The following HELQ variants were observed in gnomAD, a reference collection of about 807,000 sequenced individuals.
HELQ encodes the protein helicase POLQ-like.
HELQ carries 77 observed loss-of-function variants against 111.6 expected under a neutral mutation model. That is an observed-to-expected ratio of 0.69 (90% confidence interval 0.57 to 0.83). HELQ has a LOEUF of 0.83. Among genes scored for constraint, HELQ ranks in the 40% least tolerant of loss-of-function variants. The pLI, the probability that HELQ is intolerant of heterozygous loss-of-function variation, is 0.00. For synonymous variants in HELQ, 438 were observed against 454.7 expected (o/e 0.96, Z 0.47); for missense variants, 1,200 against 1,288.5 (o/e 0.93, Z 1.05).
In HELQ at chr4:83,416,756, G is replaced by C; in HGVS notation, c.3173C>G (p.Ala1058Gly). The stretch of plus-strand genomic sequence containing the variant: ...CTTTGCTGATGAAACAATTTGCTTG[G>C]CTTGGCGTCTTGATAAATGATCAAT... ...RTIDHLSRRQ[A>G]KQIVSSAKML... The change falls in exon 17 of 18, where the codon GCC becomes GGC. Residue 1058 changes from alanine (A) to glycine (G), a missense_variant. This residue lies in a region of HELQ where 585 missense variants were observed against 665.3 expected (regional missense o/e 0.88). Coordinates refer to ENST00000295488, the MANE Select transcript of HELQ (RefSeq NM_133636.5). The C allele has an allele frequency of 6.2e-7, 1 of 1,612,856 alleles. No homozygotes were observed.
At chr4:83,421,503 T>G in intron 15 of HELQ, 60 bp downstream of exon 15, 1 of 1,295,438 alleles carries the variant, frequency 7.7e-7, no homozygotes, top group Non-Finnish European at 1.1e-6. Context: ...GCTTATTAGT[T>G]TAGTAACAGT....
chr4:83,453,205 T>G (rs1000569639), intron 2 of HELQ, 26 bp downstream of exon 2: 1 of 1,481,966 alleles, frequency 6.7e-7, no homozygotes, highest in Non-Finnish European at 9.2e-7. Context: ...GGAAAAAAAT[T>G]TTTTTATTCC....
intron 9 of HELQ, among the ~76,000 whole-genome samples, chr4:83,435,213 A>G (rs1720384708): frequency 6.6e-6 from 1 of 152,220 alleles, no homozygotes; most frequent in Non-Finnish European, 1.5e-5. Flanking sequence ...AGTTATTGTG[A>G]AGCTGTATCA....
intron 3 of HELQ, 29 bp from the exon 4 acceptor site, chr4:83,447,064 T>C (rs778348227): frequency 4.3e-5 from 59 of 1,384,000 alleles, no homozygotes; most frequent in Non-Finnish European, 4.8e-5. Context: ...TAAAGAAAAA[T>C]TGGCCAGGCA....
chr4:83,442,819 T>C (rs1720849542), intron 6 of HELQ, among the ~76,000 whole-genome samples: 1 of 152,170 alleles, frequency 6.6e-6, no homozygotes, highest in Non-Finnish European at 1.5e-5. Context: ...CTTAAAGTGT[T>C]GGCATTGCAG....
chr4:83,437,126 G>A (rs1281806087), intron 8 of HELQ, 29 bp from the exon 9 acceptor site: 4 of 1,597,596 alleles, frequency 2.5e-6, no homozygotes, highest in Non-Finnish European at 3.4e-6. Context: ...AGAAATATGA[G>A]CCCTTGATCT....
intron 17 of HELQ, among the ~76,000 whole-genome samples, chr4:83,408,300 G>A (rs1738897831): frequency 6.6e-6 from 1 of 152,042 alleles, no homozygotes; most frequent in Non-Finnish European, 1.5e-5. Context: ...TCGCCTGGCT[G>A]GAGCACGGTG....
In HELQ at chr4:83,455,462, C is replaced by A. The variant is rs1382587261; in HGVS notation, c.232G>T (p.Gly78Ter). The A allele has an allele frequency of 1.9e-6, 3 of 1,614,082 alleles. No individual in the cohort carries two copies. Among genetic ancestry groups the A allele is most frequent in the Non-Finnish European group, 2.5e-6 (3 of 1,180,048 alleles). Residue 78 changes from glycine (G) to a stop codon, truncating the protein, a stop_gained, in exon 1 of 18, where the codon GGA (glycine) becomes TGA (stop). Transcript: ENST00000295488. LOFTEE classifies it high-confidence loss of function. ...LSDSPECLVLGGGDTNPDLLR... is the reference protein window; with the variant it reads ...LSDSPECLVL ...AGGTCCGGGTTTGTATCACCACCTC[C>A]AAGGACGAGACATTCCGGGGAATCT...
Position 83,422,850 on chromosome 4 carries a change from A to T in HELQ, c.2776-1114T>A, listed in dbSNP as rs374452314. On this transcript the variant is annotated intron_variant, in intron 14 of 17. Coordinates refer to ENST00000295488, the MANE Select transcript of HELQ (RefSeq NM_133636.5). Reference sequence around the variant, plus strand: ...TGTGTACGTATGTGATTATTATTATAAATTAGACAAATGTACTTTAGATAA... The same window carrying T: ...TGTGTACGTATGTGATTATTATTATTAATTAGACAAATGTACTTTAGATAA... 5.3e-5 allele frequency among the ~76,000 whole-genome samples: 8 copies of T among 152,336 alleles called. No homozygotes were observed. The East Asian group carries it at 1.5e-3, about 29-fold the overall frequency.
intron 1 of HELQ, among the ~76,000 whole-genome samples, chr4:83,454,999 G>A (rs1368852952): frequency 1.3e-5 from 2 of 152,182 alleles, no homozygotes. Context: ...ATAGTAAAGT[G>A]ATTAAGACAA....
chr4:83,438,923 G>A (rs957713084), intron 8 of HELQ, among the ~76,000 whole-genome samples: 1 of 152,090 alleles, frequency 6.6e-6, no homozygotes, highest in Non-Finnish European at 1.5e-5. Context: ...GTCACTCCCA[G>A]AGATTCTGAT....
chr4:83,416,886 C>A, intron 16 of HELQ, 21 bp from the exon 17 acceptor site: 1 of 1,578,220 alleles, frequency 6.3e-7, no homozygotes, highest in Non-Finnish European at 8.6e-7. Flanking sequence ...TTACAAAAAT[C>A]AGTAGGATAA....
chr4:83,440,150 AGAT>A (rs1720689212), intron 7 of HELQ, 142 bp from the exon 8 acceptor site: 2 of 616,824 alleles, frequency 3.2e-6, no homozygotes, highest in Admixed American at 7.4e-5. Flanking sequence ...TTAAAAGAAA[AGAT>A]GAAATCTATA....
intron 17 of HELQ, among the ~76,000 whole-genome samples, chr4:83,408,052 A>G (rs1253428489): frequency 6.6e-6 from 1 of 152,212 alleles, no homozygotes; most frequent in African/African-American, 2.4e-5. Flanking sequence ...GAGCAAAAAA[A>G]GTATTTCCAA....
At position 83,441,459 on chromosome 4, in the gene HELQ, G is replaced by A. The variant is rs950835408; in HGVS notation, c.1564-56C>T. 4 of 810,468 alleles carry A rather than the reference G, an allele frequency of 4.9e-6. No homozygotes were observed. The East Asian group carries it at 1.1e-4, about 22-fold the overall frequency. The allele number at this position is 810,468 out of a possible 1,614,324, so 50.2% of individuals were successfully genotyped here. A position where few individuals can be genotyped will look rare whatever the true frequency, so the allele number is the denominator to read the frequency against. ...CGACATATAAATTCATCTTTCCAGTGTTTTAAATATTGTAAAATAGGTTAA... is the reference window on the plus strand; with the variant it reads ...CGACATATAAATTCATCTTTCCAGTATTTTAAATATTGTAAAATAGGTTAA... On this transcript the variant is annotated intron_variant, in intron 6 of 17. Coordinates refer to ENST00000295488, the MANE Select transcript of HELQ (RefSeq NM_133636.5).
intron 8 of HELQ, among the ~76,000 whole-genome samples, chr4:83,437,564 A>T (rs1720527177): frequency 6.7e-6 from 1 of 149,812 alleles, no homozygotes; most frequent in Admixed American, 6.7e-5. Flanking sequence ...GCAATGAGCT[A>T]TGAACCTACC....
Position 83,439,938 on chromosome 4 carries a change from T to A in HELQ, c.1733A>T (p.Tyr578Phe). 1 of 1,609,794 alleles carries A rather than the reference T, an allele frequency of 6.2e-7. No homozygotes were observed. Among genetic ancestry groups the A allele is most frequent in the African/African-American group, 1.3e-5 (1 of 74,850 alleles). ...ACTAGGACAAAAAACTAAGCAGGAATAATTGGGAATAACTTCTGTCACCAA... is the reference window on the plus strand; with the variant it reads ...ACTAGGACAAAAAACTAAGCAGGAAAAATTGGGAATAACTTCTGTCACCAA... ...VALVTEVIPN[Y>F]SCLVFCPSKK... Residue 578 changes from tyrosine to phenylalanine, a missense_variant, in exon 8 of 18, where the codon TAT becomes TTT. Physicochemically the swap from Tyr to Phe is conservative, Grantham distance 22 (BLOSUM62 3). This residue lies in a region of HELQ where 585 missense variants were observed against 665.3 expected (regional missense o/e 0.88). Transcript: ENST00000295488.
rs1382128963 is a variant in HELQ at position 83,455,707 on chromosome 4, G to A, written c.-14C>T. ...ACATTCATCCATGGCAAGGACCCAG[G>A]GCCCTATTCAGACGTCGTTCTCAGT... On this transcript the variant is annotated 5_prime_UTR_variant, in exon 1 of 18. Coordinates refer to ENST00000295488, the MANE Select transcript of HELQ (RefSeq NM_133636.5). 6.3e-7 allele frequency: 1 copy of A among 1,595,702 alleles called. No homozygotes were observed. The highest frequency in any genetic ancestry group is 2.2e-5 in the East Asian group (1 of 44,824).
At position 83,455,533 on chromosome 4, in the gene HELQ, T is replaced by C; in HGVS notation, c.161A>G (p.Lys54Arg). ...EEMVAENRRR[K>R]TAGVLPVEVQ... ...CTCAACCGGCAGTACGCCCGCGGTT[T>C]TCCGCCTCCTGTTCTCAGCCACCAT... Residue 54 changes from lysine to arginine, a missense_variant, in exon 1 of 18, where the codon AAA becomes AGA. By Grantham distance (26) the Lys-to-Arg change is conservative (BLOSUM62 2). Transcript: ENST00000295488. 6.2e-7 allele frequency: 1 copy of C among 1,613,704 alleles called. No individual in the cohort carries two copies. Among genetic ancestry groups the C allele is most frequent in the Non-Finnish European group, 8.5e-7 (1 of 1,179,592 alleles).
Sources: gnomAD v4.1 joint callset for allele counts (sites outside exome capture counted in the v4.1 genomes callset) on GRCh38, gnomAD v4.1.1 for gene constraint, gnomAD v4.1.1 regional missense constraint, MANE v1.5 for transcripts, NCBI Gene and HGNC (gene_info 2026-07-23, HGNC 2026-07-21) for gene names.